The following RUNX2 variants were observed in gnomAD, a reference collection of about 807,000 sequenced individuals.
RUNX2 encodes runt-related transcription factor 2.
In RUNX2, 10 loss-of-function variants were observed where a neutral mutation model predicts 51.7. The ratio of observed to expected loss-of-function variants is 0.19; its 90% CI spans 0.12 to 0.33. The LOEUF is 0.33. RUNX2 is among the 10% of genes least tolerant of loss of function. The probability of loss-of-function intolerance (pLI) is 1.00; values close to 1 mark genes in which losing one functional copy is unlikely to be tolerated. For missense variants in RUNX2, 562 were observed against 691.3 expected (o/e 0.81, Z 2.10); for synonymous variants, 276 against 273.6 (o/e 1.01, Z -0.09).
chr6:45,442,523 T>C (rs75705520), intron 5 of RUNX2, among the ~76,000 whole-genome samples: 2,380 of 152,336 alleles, frequency 0.016, 31 homozygotes, highest in Non-Finnish European at 0.023. Flanking sequence ...CATCATATTC[T>C]ATAGAAGTGG....
chr6:45,409,244 A>T (rs775089737), intron 2 of RUNX2, among the ~76,000 whole-genome samples: 1 of 152,240 alleles, frequency 6.6e-6, no homozygotes, highest in Non-Finnish European at 1.5e-5. Flanking sequence ...GAGCAACAGG[A>T]TCACATGTAA....
intron 7 of RUNX2, among the ~76,000 whole-genome samples, chr6:45,537,010 A>G (rs1403220925): frequency 6.6e-6 from 1 of 152,112 alleles, no homozygotes; most frequent in Non-Finnish European, 1.5e-5. Flanking sequence ...CTCTGGCTCT[A>G]CTAGTTCAAA....
chr6:45,490,132 A>G (rs186531335), intron 5 of RUNX2, among the ~76,000 whole-genome samples: 2 of 152,200 alleles, frequency 1.3e-5, no homozygotes, highest in African/African-American at 4.8e-5. Context: ...TAGTTGTTCT[A>G]CCTCTGCAGG....
At chr6:45,410,802 C>A (rs569178783) in intron 2 of RUNX2, among the ~76,000 whole-genome samples, 11 of 152,286 alleles carry the variant, frequency 7.2e-5, no homozygotes, top group African/African-American at 2.4e-4. Flanking sequence ...TTCTTTTCAC[C>A]TGAAACAATT....
chr6:45,500,511 G>C (rs1470706471), intron 6 of RUNX2, among the ~76,000 whole-genome samples: 1 of 152,190 alleles, frequency 6.6e-6, no homozygotes, highest in Non-Finnish European at 1.5e-5. Flanking sequence ...GAAAACTGAG[G>C]TGCTAGGAGA....
chr6:45,391,006 C>T (rs186697526), intron 2 of RUNX2, among the ~76,000 whole-genome samples: 29 of 152,212 alleles, frequency 1.9e-4, no homozygotes, highest in Middle Eastern at 3.4e-3. Context: ...ATGAATGAAG[C>T]GTCTCTCACA....
rs982867302 is a variant in RUNX2, at chr6:45,502,651, C to A, written c.860-9595C>A. On this transcript the variant is annotated intron_variant, in intron 6 of 8. Coordinates refer to ENST00000647337, the MANE Select transcript of RUNX2 (RefSeq NM_001024630.4). Reference sequence around the variant, plus strand: ...TAAGAGCCCGAAGCCTGAGTGCAGCCCCTGGACTCCACCCCTGTGTCCATT... The same window carrying A: ...TAAGAGCCCGAAGCCTGAGTGCAGCACCTGGACTCCACCCCTGTGTCCATT... 3.9e-5 allele frequency among the ~76,000 whole-genome samples: 6 copies of A among 152,246 alleles called. No homozygotes were observed. In the East Asian group the frequency reaches 9.7e-4, roughly 25 times the overall value.
At chr6:45,537,104 G>A (rs1380658039) in intron 7 of RUNX2, among the ~76,000 whole-genome samples, 1 of 152,152 alleles carries the variant, frequency 6.6e-6, no homozygotes, top group Non-Finnish European at 1.5e-5. Flanking sequence ...GCTTACAAGA[G>A]TCTCATGCAA....
At chr6:45,520,536 T>A (rs1801472762) in intron 7 of RUNX2, among the ~76,000 whole-genome samples, 1 of 152,192 alleles carries the variant, frequency 6.6e-6, no homozygotes, top group Non-Finnish European at 1.5e-5. Context: ...CTGGCATTCC[T>A]TAAGTGTGCT....
At chr6:45,375,868 T>C (rs1390878299) in intron 2 of RUNX2, among the ~76,000 whole-genome samples, 1 of 152,172 alleles carries the variant, frequency 6.6e-6, no homozygotes, top group Non-Finnish European at 1.5e-5. Flanking sequence ...TAAAGTAATT[T>C]TGTGAAACAT....
chr6:45,416,884 A>G (rs1217773996), intron 2 of RUNX2, among the ~76,000 whole-genome samples: 1 of 152,156 alleles, frequency 6.6e-6, no homozygotes, highest in Non-Finnish European at 1.5e-5. Context: ...ACTCTCTTGT[A>G]AGTGCCTGAA....
intron 5 of RUNX2, among the ~76,000 whole-genome samples, chr6:45,450,553 A>G (rs1324493240): frequency 5.9e-5 from 9 of 152,214 alleles, no homozygotes; most frequent in Non-Finnish European, 2.9e-5. Context: ...GCAAATTGTG[A>G]TAAGTGCTGT....
chr6:45,542,947 G>A (rs1488283695), intron 7 of RUNX2, among the ~76,000 whole-genome samples: 4 of 152,278 alleles, frequency 2.6e-5, no homozygotes, highest in Non-Finnish European at 4.4e-5. Context: ...TACCTAAGCA[G>A]CAAATTAAGA....
intron 2 of RUNX2, among the ~76,000 whole-genome samples, chr6:45,399,520 C>T (rs1290037076): frequency 6.6e-6 from 1 of 151,616 alleles, no homozygotes; most frequent in Non-Finnish European, 1.5e-5. Flanking sequence ...CCACCACGCC[C>T]AGCTAATTTT....
At chr6:45,534,102 T>C (rs538171741) in intron 7 of RUNX2, among the ~76,000 whole-genome samples, 61 of 151,844 alleles carry the variant, frequency 4.0e-4, no homozygotes, top group African/African-American at 1.5e-3. Context: ...ACCATATTGG[T>C]CAGGCTGGTC....
At chr6:45,442,938 G>A (rs1274217383) in intron 5 of RUNX2, among the ~76,000 whole-genome samples, 2 of 151,400 alleles carry the variant, frequency 1.3e-5, no homozygotes, top group Non-Finnish European at 2.9e-5. Context: ...TCCTCTCCAC[G>A]TGGCCTCTCC....
Position 45,545,320 on chromosome 6 carries a change from G to T in RUNX2, c.1087+38G>T, listed in dbSNP as rs769317987. On this transcript the variant is annotated intron_variant, in intron 8 of 8. Transcript: ENST00000647337. The stretch of plus-strand genomic sequence containing the variant: ...ACAATTGCTGGGCTGGGCAGGGCTG[G>T]GCTGGGCTGGGCTGTCTGGTTGTTA... The T allele has an allele frequency of 3.2e-6, 5 of 1,545,700 alleles. No individual in the cohort carries two copies. The South Asian group carries it at 6.0e-5, about 18-fold the overall frequency.
At chr6:45,437,696 C>CT (rs984279742) in intron 4 of RUNX2, among the ~76,000 whole-genome samples, 1 of 152,142 alleles carries the variant, frequency 6.6e-6, no homozygotes, top group South Asian at 2.1e-4. Flanking sequence ...TACTGAGGAG[C>CT]TTTTTTGGAA....
chr6:45,335,249 A>G (rs1390459046), intron 2 of RUNX2, among the ~76,000 whole-genome samples: 1 of 151,320 alleles, frequency 6.6e-6, no homozygotes, highest in Non-Finnish European at 1.5e-5. Flanking sequence ...ATTTTAAGTG[A>G]AAAGATATAA....
Sources: allele counts gnomAD v4.1 joint callset (sites outside exome capture counted in the v4.1 genomes callset), GRCh38; gene constraint gnomAD v4.1.1; transcripts MANE v1.5; gene names NCBI Gene and HGNC (gene_info 2026-07-23, HGNC 2026-07-21).